ROPN1L: variants seen among roughly 807,000 people sequenced by gnomAD.
The protein encoded by ROPN1L is rhophilin associated tail protein 1 like.
Under a neutral mutation model 22.7 loss-of-function variants are expected in ROPN1L, and 23 were observed. The observed-to-expected ratio is 1.01, with a 90% CI of 0.73 to 1.43. The LOEUF (loss-of-function observed/expected upper bound fraction) is 1.43, where lower values mean the gene tolerates loss of function less well. Among genes scored for constraint, ROPN1L ranks in the 40% most tolerant of loss-of-function variants. The pLI, the probability that ROPN1L is intolerant of heterozygous loss-of-function variation, is 0.00. For synonymous variants in ROPN1L, 116 were observed against 117.8 expected (o/e 0.98, Z 0.10); for missense variants, 271 against 291.5 (o/e 0.93, Z 0.51).
intron 1 of ROPN1L, among the ~76,000 whole-genome samples, chr5:10,443,221 GA>G (rs1255326004): frequency 6.6e-6 from 1 of 151,256 alleles, no homozygotes. Flanking sequence ...AATTTAAAAA[GA>G]AAAAAAACAG....
chr5:10,459,881 G>T (rs1278392794), intron 3 of ROPN1L, among the ~76,000 whole-genome samples: 2 of 152,204 alleles, frequency 1.3e-5, no homozygotes, highest in Non-Finnish European at 2.9e-5. Context: ...CTACATCCTG[G>T]TGTGTAACAG....
chr5:10,460,334 G>T (rs1205988800), intron 3 of ROPN1L, among the ~76,000 whole-genome samples: 1 of 152,252 alleles, frequency 6.6e-6, no homozygotes, highest in African/African-American at 2.4e-5. Flanking sequence ...GAGGCCATGG[G>T]CTGGCCCTGG....
chr5:10,446,820 C>G (rs926209818), intron 1 of ROPN1L, among the ~76,000 whole-genome samples: 2 of 152,058 alleles, frequency 1.3e-5, no homozygotes, highest in Admixed American at 6.6e-5. Context: ...GAGGAGTTAC[C>G]CCCATGAAAT....
intron 3 of ROPN1L, among the ~76,000 whole-genome samples, chr5:10,451,446 A>G (rs1349614810): frequency 6.6e-6 from 1 of 152,222 alleles, no homozygotes; most frequent in Admixed American, 6.5e-5. Flanking sequence ...GTGTCCCGCA[A>G]GAGGTACACT....
chr5:10,450,227 G>A, intron 3 of ROPN1L, 114 bp downstream of exon 3: 1 of 803,720 alleles, frequency 1.2e-6, no homozygotes. Context: ...TCTTAGAAAA[G>A]CATTTCCCCC....
chr5:10,461,134 T>C (rs1346347488), intron 3 of ROPN1L, 50 bp from the exon 4 acceptor site: 1 of 1,530,668 alleles, frequency 6.5e-7, no homozygotes, highest in Non-Finnish European at 8.9e-7. Flanking sequence ...TCAATGTGAG[T>C]GATGCCAGGA....
At chr5:10,448,942 G>A (rs758232094) in intron 2 of ROPN1L, among the ~76,000 whole-genome samples, 6 of 152,238 alleles carry the variant, frequency 3.9e-5, no homozygotes, top group Admixed American at 6.5e-5. Flanking sequence ...AGTGGGTCAC[G>A]GAGCAAGGCT....
At chr5:10,469,320 T>TAA (rs35356895), downstream of ROPN1L, among the ~76,000 whole-genome samples, 1,577 of 139,548 alleles carry the variant, frequency 0.011, 27 homozygotes, top group African/African-American at 0.04. Context: ...ACAAAAAAAT[T>TAA]AAAAAAAAAA....
Position 10,461,283 on chromosome 5 carries a change from C to G in ROPN1L, c.517C>G (p.Arg173Gly). 11 of 1,614,154 alleles carry G rather than the reference C, an allele frequency of 6.8e-6. No homozygotes were observed. The highest frequency in any genetic ancestry group is 8.5e-6 in the Non-Finnish European group (10 of 1,180,028). ...IPFKTFSYVY[R>G]YLARLDSDVS... is the part of the protein sequence containing the mutation. ...CTTCAAGACGTTTTCCTACGTTTAC[C>G]GCTACTTGGCCAGATTAGACTCAGA... Residue 173 changes from arginine (R) to glycine (G), a missense_variant, in exon 4 of 5, where the codon CGC (arginine) becomes GGC (glycine). Physicochemically the swap from Arg to Gly is moderately radical, Grantham distance 125. Transcript: ENST00000274134.
At chr5:10,463,670 T>A (rs1201537124) in intron 4 of ROPN1L, among the ~76,000 whole-genome samples, 1 of 152,192 alleles carries the variant, frequency 6.6e-6, no homozygotes, top group Admixed American at 6.5e-5. Context: ...ATTGAGCACC[T>A]GCTCTGTGCC....
At chr5:10,472,412 C>T (rs1735260149), downstream of ROPN1L, among the ~76,000 whole-genome samples, 1 of 152,188 alleles carries the variant, frequency 6.6e-6, no homozygotes, top group African/African-American at 2.4e-5. Flanking sequence ...AAGTGATTTG[C>T]CCAAGAGAGT....
chr5:10,443,604 G>C (rs537735869), intron 1 of ROPN1L, among the ~76,000 whole-genome samples: 1 of 151,598 alleles, frequency 6.6e-6, no homozygotes, highest in Non-Finnish European at 1.5e-5. Context: ...AGTCCGGCCC[G>C]GGCGACAGAG....
intron 4 of ROPN1L, among the ~76,000 whole-genome samples, chr5:10,462,737 A>G (rs1346014680): frequency 6.6e-6 from 1 of 152,086 alleles, no homozygotes. Context: ...CTACTAAAAA[A>G]ATAACCAGGT....
downstream of ROPN1L, among the ~76,000 whole-genome samples, chr5:10,466,484 G>A (rs550207887): frequency 2.0e-5 from 3 of 152,170 alleles, no homozygotes; most frequent in South Asian, 2.1e-4. Context: ...GACGAGTTTT[G>A]TAAGCCCGAG....
chr5:10,444,682 T>C (rs1740997577), intron 1 of ROPN1L, among the ~76,000 whole-genome samples: 1 of 150,102 alleles, frequency 6.7e-6, no homozygotes, highest in African/African-American at 2.4e-5. Context: ...ATGAATCACC[T>C]GAGGTCAGGA....
chr5:10,455,366 A>G (rs1741383975), intron 3 of ROPN1L, among the ~76,000 whole-genome samples: 1 of 152,226 alleles, frequency 6.6e-6, no homozygotes, highest in Admixed American at 6.5e-5. Context: ...AGAAGAAGAC[A>G]CAGCCACGCC....
chr5:10,466,772 C>G (rs1259269894), downstream of ROPN1L, among the ~76,000 whole-genome samples: 1 of 152,162 alleles, frequency 6.6e-6, no homozygotes, highest in South Asian at 2.1e-4. Flanking sequence ...CTGTATGAAT[C>G]GGTGAGGGCT....
chr5:10,474,398 A>G (rs1290615919), downstream of ROPN1L, among the ~76,000 whole-genome samples: 1 of 152,304 alleles, frequency 6.6e-6, no homozygotes, highest in Non-Finnish European at 1.5e-5. Context: ...GTAGCAGACT[A>G]GAGAGGGGTT....
At chr5:10,479,387 C>T in the ROPN1L span, 2 of 152,262 alleles carry the variant, frequency 1.3e-5, no homozygotes, top group Admixed American at 6.5e-5. Context: ...AATGGGCGCT[C>T]AGGCTTGGCT....
Sources: gnomAD v4.1 joint callset for allele counts (sites outside exome capture counted in the v4.1 genomes callset) on GRCh38, gnomAD v4.1.1 for gene constraint, MANE v1.5 for transcripts, NCBI Gene and HGNC (gene_info 2026-07-23, HGNC 2026-07-21) for gene names.